Variants in PLEKHA5 observed in about 807,000 individuals in gnomAD.
PLEKHA5 encodes pleckstrin homology domain containing A5.
A neutral mutation model predicts 181.9 loss-of-function variants in PLEKHA5; 55 were observed. The ratio of observed to expected loss-of-function variants is 0.30; its 90% CI spans 0.24 to 0.38. The LOEUF is 0.38. Ranked by LOEUF, PLEKHA5 falls within the 10% of genes least tolerant of loss-of-function variation. PLEKHA5 has a pLI of 1.00. For synonymous variants in PLEKHA5, 535 were observed against 529.4 expected (o/e 1.01, Z -0.15); for missense variants, 1,432 against 1,549.5 (o/e 0.92, Z 1.27).
intron 16 of PLEKHA5, among the ~76,000 whole-genome samples, chr12:19,318,804 C>A (rs1455001599): frequency 1.3e-5 from 2 of 152,042 alleles, no homozygotes; most frequent in African/African-American, 2.4e-5. Context: ...ACGTATAATC[C>A]CAGCTACTCT....
At chr12:19,314,004 A>G (rs543988121) in intron 15 of PLEKHA5, among the ~76,000 whole-genome samples, 29 of 152,310 alleles carry the variant, frequency 1.9e-4, no homozygotes, top group Admixed American at 4.6e-4. Context: ...ACAAATTACC[A>G]TTATAAACAG....
chr12:19,248,074 T>C (rs1264885501), intron 3 of PLEKHA5, among the ~76,000 whole-genome samples: 2 of 151,646 alleles, frequency 1.3e-5, no homozygotes, highest in African/African-American at 4.8e-5. Context: ...ATTTTAAAAA[T>C]TAGGTGGGTG....
chr12:19,216,455 G>C (rs2057989945), intron 3 of PLEKHA5, among the ~76,000 whole-genome samples: 1 of 152,074 alleles, frequency 6.6e-6, no homozygotes, highest in Non-Finnish European at 1.5e-5. Flanking sequence ...TTGAGGTCAG[G>C]AGTTCGAGAC....
intron 3 of PLEKHA5, among the ~76,000 whole-genome samples, chr12:19,170,576 C>T (rs2045664183): frequency 6.6e-6 from 1 of 151,964 alleles, no homozygotes; most frequent in Non-Finnish European, 1.5e-5. Flanking sequence ...CCTGCCACCA[C>T]GCCCAACTAA....
intron 3 of PLEKHA5, among the ~76,000 whole-genome samples, chr12:19,144,542 A>G (rs754195434): frequency 1.5e-4 from 23 of 152,210 alleles, no homozygotes; most frequent in Admixed American, 1.4e-3. Context: ...AGTCAAAGTC[A>G]GATGTGGGAG....
At chr12:19,357,909 G>C (rs2095039392) in intron 26 of PLEKHA5, among the ~76,000 whole-genome samples, 1 of 151,886 alleles carries the variant, frequency 6.6e-6, no homozygotes, top group South Asian at 2.1e-4. Context: ...CAAAGTGCTG[G>C]GATTATAGGT....
At position 19,287,385 on chromosome 12, in the gene PLEKHA5, T is replaced by C. The variant is rs1037516382; in HGVS notation, c.1780-88T>C. ...AATAGCAATTTTAAATGGTATTTCA[T>C]AATAGGAATTTAAGATTTCTCCTTG... On this transcript the variant is annotated intron_variant, in intron 12 of 31. Coordinates refer to ENST00000429027, the MANE Select transcript of PLEKHA5 (RefSeq NM_001256470.2). 1.3e-5 allele frequency: 10 copies of C among 781,798 alleles called. No individual in the cohort carries two copies. In the East Asian group the frequency reaches 2.4e-4, roughly 19 times the overall value. 48.4% of individuals were successfully genotyped at this position (781,798 alleles called of 1,614,324 possible). A position where few individuals can be genotyped will look rare whatever the true frequency, so the allele number is the denominator to read the frequency against.
chr12:19,269,395 G>C, intron 8 of PLEKHA5, among the ~76,000 whole-genome samples: 1 of 105,848 alleles, frequency 9.4e-6, no homozygotes, highest in South Asian at 3.2e-4. Flanking sequence ...TCAAAAAAAA[G>C]AAAAAAAAAA....
intron 15 of PLEKHA5, among the ~76,000 whole-genome samples, chr12:19,305,672 A>G (rs1309904622): frequency 6.6e-6 from 1 of 151,932 alleles, no homozygotes; most frequent in African/African-American, 2.4e-5. Flanking sequence ...CAGCCTGACT[A>G]CCGTGGAGAA....
chr12:19,174,402 T>C (rs1168179707), intron 3 of PLEKHA5, among the ~76,000 whole-genome samples: 1 of 152,204 alleles, frequency 6.6e-6, no homozygotes, highest in Non-Finnish European at 1.5e-5. Context: ...AAAGCAAACA[T>C]GGGTAGTATC....
chr12:19,300,567 T>G (rs1458944403), intron 15 of PLEKHA5, among the ~76,000 whole-genome samples: 1 of 152,188 alleles, frequency 6.6e-6, no homozygotes, highest in Non-Finnish European at 1.5e-5. Flanking sequence ...CTGCAAAGAT[T>G]TATGGAACTC....
intron 13 of PLEKHA5, among the ~76,000 whole-genome samples, chr12:19,289,944 T>A (rs1015139961): frequency 3.4e-4 from 52 of 151,948 alleles, no homozygotes; most frequent in Admixed American, 8.5e-4. Context: ...TTATTTATTT[T>A]TTTATTTATT....
chr12:19,340,652 C>CGTAA (rs1170328668), intron 21 of PLEKHA5, among the ~76,000 whole-genome samples: 1 of 144,194 alleles, frequency 6.9e-6, no homozygotes, highest in Non-Finnish European at 1.5e-5. Flanking sequence ...TGTGACCTTA[C>CGTAA]CCCCAACCCT....
intron 3 of PLEKHA5, among the ~76,000 whole-genome samples, chr12:19,206,098 G>A (rs1015129855): frequency 3.9e-5 from 6 of 152,116 alleles, no homozygotes; most frequent in Middle Eastern, 3.4e-3. Context: ...CTACAGAAGA[G>A]TTGCATGATA....
Position 19,358,538 on chromosome 12 carries a change from T to A in PLEKHA5, c.3348+101T>A, listed in dbSNP as rs1027985535. 4 of 675,550 alleles carry A rather than the reference T, an allele frequency of 5.9e-6. No individual in the cohort carries two copies. In the African/African-American group the frequency reaches 7.3e-5, roughly 12 times the overall value. 41.8% of individuals were successfully genotyped at this position (675,550 alleles called of 1,614,324 possible). On this transcript the variant is annotated intron_variant, in intron 27 of 31. Transcript: ENST00000429027. ...GATAGGTCTTAAAAGGTCTGCAGTATGGATACTTATTTTATATTATTTAAT... is the reference window on the plus strand; with the variant it reads ...GATAGGTCTTAAAAGGTCTGCAGTAAGGATACTTATTTTATATTATTTAAT...
chr12:19,292,273 G>A (rs2078648250), intron 15 of PLEKHA5, among the ~76,000 whole-genome samples: 1 of 152,344 alleles, frequency 6.6e-6, no homozygotes, highest in Admixed American at 6.5e-5. Flanking sequence ...GGGCGTCACA[G>A]TGAACGTCTG....
chr12:19,311,747 C>G (rs1270127281), intron 15 of PLEKHA5, among the ~76,000 whole-genome samples: 4 of 152,140 alleles, frequency 2.6e-5, no homozygotes, highest in African/African-American at 9.7e-5. Context: ...TTCTAAACCC[C>G]TCAACCTCAT....
intron 3 of PLEKHA5, among the ~76,000 whole-genome samples, chr12:19,252,272 C>T (rs1384026539): frequency 2.6e-5 from 4 of 152,074 alleles, no homozygotes; most frequent in African/African-American, 4.8e-5. Flanking sequence ...TGGTTATAGA[C>T]TTCTCACCAT....
intron 15 of PLEKHA5, among the ~76,000 whole-genome samples, chr12:19,292,141 C>T (rs1436123107): frequency 6.6e-6 from 1 of 152,220 alleles, no homozygotes; most frequent in African/African-American, 2.4e-5. Flanking sequence ...TGCAATGGCT[C>T]ATGCCTGTAA....
Sources: allele counts gnomAD v4.1 joint callset (sites outside exome capture counted in the v4.1 genomes callset), GRCh38; gene constraint gnomAD v4.1.1; transcripts MANE v1.5; gene names NCBI Gene and HGNC (gene_info 2026-07-23, HGNC 2026-07-21).